Variants in CYFIP2 observed in about 807,000 individuals in gnomAD.
The protein encoded by CYFIP2 is cytoplasmic FMR1-interacting protein 2.
CYFIP2 carries 29 observed loss-of-function variants against 158.7 expected under a neutral mutation model. That is an observed-to-expected ratio of 0.18 (90% CI 0.14 to 0.25). The LOEUF (loss-of-function observed/expected upper bound fraction) is 0.25. Ranked by LOEUF, CYFIP2 falls within the 10% of genes least tolerant of loss-of-function variation. The pLI, the probability that CYFIP2 is intolerant of heterozygous loss-of-function variation, is 1.00. For missense variants in CYFIP2, 852 were observed against 1,639.5 expected (o/e 0.52, Z 8.29); for synonymous variants, 585 against 617.6 (o/e 0.95, Z 0.78).
intron 1 of CYFIP2, among the ~76,000 whole-genome samples, chr5:157,278,813 C>G (rs946459284): frequency 2.0e-5 from 3 of 152,140 alleles, no homozygotes; most frequent in African/African-American, 7.2e-5. Flanking sequence ...GTACTAGGCC[C>G]CTAAAAACCA....
At chr5:157,318,180 T>C (rs1368241144) in intron 13 of CYFIP2, among the ~76,000 whole-genome samples, 1 of 152,232 alleles carries the variant, frequency 6.6e-6, no homozygotes, top group Non-Finnish European at 1.5e-5. Flanking sequence ...TGCCTTTTCA[T>C]TTTTTAAGGG....
chr5:157,292,735 T>C (rs1179201550), intron 3 of CYFIP2, among the ~76,000 whole-genome samples: 3 of 152,188 alleles, frequency 2.0e-5, no homozygotes, highest in Non-Finnish European at 4.4e-5. Context: ...TGTGGACATA[T>C]GTTTTCAGTT....
In CYFIP2 at chr5:157,314,461, G is replaced by A; in HGVS notation, c.1228G>A (p.Val410Met). 2 of 1,613,480 alleles carry A rather than the reference G, an allele frequency of 1.2e-6. No homozygotes were observed. The highest frequency in any genetic ancestry group is 1.7e-6 in the Non-Finnish European group (2 of 1,179,576). ...CAAGTGGAGCGCCCACGTCATGGAG[G>A]TGGTAGGTGTCTCTGGGTAGAGGGC... ...LSKWSAHVME[V>M]YSWKLVHPTD... is the part of the protein sequence containing the mutation. The change falls in exon 12 of 31, where the codon GTG (valine) becomes ATG (methionine). Residue 410 changes from valine to methionine, a missense_variant and splice_region_variant. Val to Met is a conservative substitution (Grantham distance 21). Coordinates refer to ENST00000620254, the MANE Select transcript of CYFIP2 (RefSeq NM_001037333.3).
chr5:157,326,387 G>A, intron 18 of CYFIP2, 120 bp downstream of exon 18: 1 of 846,122 alleles, frequency 1.2e-6, no homozygotes, highest in Non-Finnish European at 1.9e-6. Context: ...AGGAATCTCT[G>A]TAACCATGGC....
intron 13 of CYFIP2, among the ~76,000 whole-genome samples, chr5:157,317,807 T>G (rs1215119809): frequency 1.3e-5 from 2 of 152,202 alleles, no homozygotes; most frequent in African/African-American, 4.8e-5. Flanking sequence ...AATGTAAAAC[T>G]CCTTACAAAA....
chr5:157,283,711 G>C (rs974563661), intron 1 of CYFIP2, among the ~76,000 whole-genome samples: 1 of 152,176 alleles, frequency 6.6e-6, no homozygotes, highest in Non-Finnish European at 1.5e-5. Context: ...TAGCTGCACA[G>C]CAGCCAGTGA....
intron 26 of CYFIP2, among the ~76,000 whole-genome samples, chr5:157,368,904 T>G (rs905841418): frequency 1.8e-4 from 14 of 77,706 alleles, no homozygotes; most frequent in Non-Finnish European, 2.7e-4. Context: ...GTTTTTTTGT[T>G]TTTTTTTTTT....
intron 1 of CYFIP2, among the ~76,000 whole-genome samples, chr5:157,274,646 CA>C: frequency 6.6e-6 from 1 of 152,094 alleles, no homozygotes; most frequent in Non-Finnish European, 1.5e-5. Context: ...GAGGAAATAC[CA>C]ATCGATTTTC....
chr5:157,370,603 C>G (rs929739554), intron 26 of CYFIP2, among the ~76,000 whole-genome samples: 2 of 152,172 alleles, frequency 1.3e-5, no homozygotes, highest in Admixed American at 6.5e-5. Flanking sequence ...TTAAGGTTGT[C>G]AGAAAGATTG....
chr5:157,341,333 T>C (rs904981112), intron 23 of CYFIP2, among the ~76,000 whole-genome samples, 176 bp downstream of exon 23: 2 of 152,038 alleles, frequency 1.3e-5, no homozygotes, highest in Non-Finnish European at 2.9e-5. Context: ...AGTGGATACT[T>C]CAGGCCAGGA....
chr5:157,279,240 C>T (rs1180796765), intron 1 of CYFIP2, among the ~76,000 whole-genome samples: 3 of 152,116 alleles, frequency 2.0e-5, no homozygotes, highest in African/African-American at 4.8e-5. Context: ...AACTGAGGCT[C>T]GGAGAGGTTA....
At chr5:157,298,423 C>T (rs1758429247) in intron 5 of CYFIP2, among the ~76,000 whole-genome samples, 1 of 152,018 alleles carries the variant, frequency 6.6e-6, no homozygotes, top group African/African-American at 2.4e-5. Context: ...CTTCAGCCTC[C>T]TAGGTTCAAG....
chr5:157,340,111 G>A (rs1561744075), intron 22 of CYFIP2, among the ~76,000 whole-genome samples: 1 of 152,254 alleles, frequency 6.6e-6, no homozygotes, highest in East Asian at 1.9e-4. Context: ...GGTGCACACG[G>A]CCCGGGGCCA....
chr5:157,279,059 T>A (rs994079092), intron 1 of CYFIP2, among the ~76,000 whole-genome samples: 4 of 152,264 alleles, frequency 2.6e-5, no homozygotes, highest in African/African-American at 9.6e-5. Context: ...GGTGCTTCAA[T>A]TCATAAATCA....
Position 157,389,207 on chromosome 5 carries a change from G to A in CYFIP2, c.3226G>A (p.Glu1076Lys), listed in dbSNP as rs755280890. The A allele has an allele frequency of 3.7e-6, 6 of 1,612,206 alleles. No homozygotes were observed. The highest frequency in any genetic ancestry group is 1.7e-5 in the Admixed American group (1 of 59,900). Residue 1076 changes from glutamate (E) to lysine (K), a missense_variant, in exon 29 of 31, where the codon GAG becomes AAG. Glu to Lys is a moderately conservative substitution (Grantham distance 56, BLOSUM62 1). Around this residue, in one of 8 missense-constraint regions of CYFIP2, gnomAD observed 223 missense variants for 381.6 expected, o/e 0.58. Coordinates refer to ENST00000620254, the MANE Select transcript of CYFIP2 (RefSeq NM_001037333.3). ...GTPQQIAIAR[E>K]GDLLTKERLC... ...TTTCCAGCAAATCGCCATTGCTCGC[G>A]AGGGTGACCTCCTGACCAAGGAGCG...
At chr5:157,312,119 T>C (rs1759774593) in intron 11 of CYFIP2, among the ~76,000 whole-genome samples, 1 of 152,138 alleles carries the variant, frequency 6.6e-6, no homozygotes, top group African/African-American at 2.4e-5. Flanking sequence ...TGCCTGTACA[T>C]GATAAGTGAT....
intron 28 of CYFIP2, among the ~76,000 whole-genome samples, chr5:157,385,686 G>A (rs1475902935): frequency 1.3e-5 from 2 of 152,006 alleles, no homozygotes; most frequent in African/African-American, 4.8e-5. Flanking sequence ...TCTATGTAAT[G>A]GGATCATAGC....
At position 157,395,566 on chromosome 5, in the gene CYFIP2, T is replaced by A. The variant is rs572516969; in HGVS notation, c.*2566T>A. The stretch of plus-strand genomic sequence containing the variant: ...GAGTTGATAAACATTTCCATCTTCA[T>A]TAAAACTGCTTCCAAACTAGTAAAA... On this transcript the variant is annotated 3_prime_UTR_variant, in exon 31 of 31. Coordinates refer to ENST00000620254, the MANE Select transcript of CYFIP2 (RefSeq NM_001037333.3). The A allele has an allele frequency of 7.5e-4, 951 of 1,267,134 alleles. No individual in the cohort carries two copies. Among genetic ancestry groups the A allele is most frequent in the Admixed American group, 1.2e-3 (51 of 43,384 alleles). The allele number at this position is 1,267,134 out of a possible 1,614,324, so 78.5% of individuals were successfully genotyped here.
chr5:157,370,209 G>C (rs1764868177), intron 26 of CYFIP2, among the ~76,000 whole-genome samples: 1 of 152,148 alleles, frequency 6.6e-6, no homozygotes. Flanking sequence ...CTCCACACTT[G>C]ACTCTGATGT....
Sources: allele counts gnomAD v4.1 joint callset (sites outside exome capture counted in the v4.1 genomes callset), GRCh38; gene constraint gnomAD v4.1.1; regional missense constraint gnomAD v4.1.1; transcripts MANE v1.5; gene names NCBI Gene and HGNC (gene_info 2026-07-23, HGNC 2026-07-21).